The following SOX30 variants were observed in gnomAD, a reference collection of about 807,000 sequenced individuals.
The protein encoded by SOX30 is transcription factor SOX-30.
Under a neutral mutation model 58.6 loss-of-function variants are expected in SOX30, and 17 were observed. That is an observed-to-expected ratio of 0.29 (90% CI 0.20 to 0.44). SOX30 has a LOEUF of 0.44. Ranked by LOEUF, SOX30 falls within the 20% of genes least tolerant of loss-of-function variation. The pLI is 1.00. For synonymous variants in SOX30, 421 were observed against 400.2 expected (o/e 1.05, Z -0.62); for missense variants, 951 against 965.8 (o/e 0.98, Z 0.20).
At chr5:157,640,692 C>T (rs771810026) in intron 3 of SOX30, among the ~76,000 whole-genome samples, 4 of 152,084 alleles carry the variant, frequency 2.6e-5, no homozygotes, top group African/African-American at 7.2e-5. Context: ...TCTAGAATGA[C>T]GATCTAGAAT....
chr5:157,634,225 G>A (rs987300231), intron 4 of SOX30, among the ~76,000 whole-genome samples: 3 of 152,098 alleles, frequency 2.0e-5, no homozygotes, highest in African/African-American at 7.2e-5. Flanking sequence ...ACACTTTTTG[G>A]TTTTTTGAGA....
At chr5:157,631,066 T>G (rs1328941591) in intron 4 of SOX30, among the ~76,000 whole-genome samples, 2 of 73,896 alleles carry the variant, frequency 2.7e-5, no homozygotes, top group African/African-American at 1.4e-4. Flanking sequence ...TATATATATA[T>G]ATACACACAA....
chr5:157,668,147 G>A (rs1360901660), intron 1 of SOX30, among the ~76,000 whole-genome samples: 1 of 152,186 alleles, frequency 6.6e-6, no homozygotes, highest in Non-Finnish European at 1.5e-5. Flanking sequence ...GCTCTGTGAG[G>A]GATGCCCATG....
rs569734251 is a variant in SOX30, at chr5:157,647,221, C to G, written c.1208-405G>C. Among the ~76,000 whole-genome samples the G allele has an allele frequency of 4.7e-4, 72 of 152,130 alleles. 2 individuals carry two copies. The highest frequency in any genetic ancestry group is 1.6e-3 in the African/African-American group (66 of 41,486). ...GGATTACAGGTGCATGCCACCACACCCGGCTAATTTTTTGTATTTTTAGTA... is the reference window on the plus strand; with the variant it reads ...GGATTACAGGTGCATGCCACCACACGCGGCTAATTTTTTGTATTTTTAGTA... On this transcript the variant is annotated intron_variant, in intron 2 of 4. Coordinates refer to ENST00000265007, the MANE Select transcript of SOX30 (RefSeq NM_178424.2).
chr5:157,649,920 T>C (rs1759287382), intron 1 of SOX30, among the ~76,000 whole-genome samples: 1 of 152,060 alleles, frequency 6.6e-6, no homozygotes, highest in African/African-American at 2.4e-5. Flanking sequence ...AGTAATTTTT[T>C]TGAAAGTCAG....
At chr5:157,667,874 T>G in intron 1 of SOX30, 1 of 1,535,174 alleles carries the variant, frequency 6.5e-7, no homozygotes, top group Non-Finnish European at 8.7e-7. Flanking sequence ...AGAAGGGAAC[T>G]TCTGTTTACT....
At chr5:157,627,196 T>C (rs1264795078) in intron 4 of SOX30, among the ~76,000 whole-genome samples, 3 of 152,096 alleles carry the variant, frequency 2.0e-5, no homozygotes, top group Admixed American at 1.3e-4. Flanking sequence ...ACCCCATCTC[T>C]ACTAAAAATA....
intron 2 of SOX30, chr5:157,667,783 CACACACAT>C (rs1166258404): frequency 6.5e-7 from 1 of 1,535,052 alleles, no homozygotes; most frequent in South Asian, 1.2e-5. Context: ...CACACACACA[CACACACAT>C]ACAAACCTTG....
chr5:157,646,927 C>A, intron 2 of SOX30, 111 bp from the exon 3 acceptor site: 2 of 760,380 alleles, frequency 2.6e-6, no homozygotes, highest in South Asian at 1.6e-5. Flanking sequence ...AAATTATTGT[C>A]TAAAGTATCT....
intron 3 of SOX30, among the ~76,000 whole-genome samples, chr5:157,643,345 C>T (rs780799778): frequency 2.0e-5 from 3 of 152,032 alleles, no homozygotes; most frequent in East Asian, 1.9e-4. Context: ...ACTTGAACCC[C>T]GGAGGTGGAG....
At chr5:157,636,939 C>T (rs1305513832) in intron 4 of SOX30, among the ~76,000 whole-genome samples, 1 of 151,958 alleles carries the variant, frequency 6.6e-6, no homozygotes, top group Non-Finnish European at 1.5e-5. Flanking sequence ...ACCAGCCTGA[C>T]CAACATGGAG....
intron 4 of SOX30, among the ~76,000 whole-genome samples, chr5:157,635,598 T>A (rs958307098): frequency 1.4e-4 from 22 of 151,942 alleles, no homozygotes; most frequent in Non-Finnish European, 2.8e-4. Context: ...CACTCCAGCC[T>A]GGGTGACAGA....
chr5:157,670,795 C>A lies in SOX30; in HGVS notation c.-4+535G>T, dbSNP rs940387466. Among the ~76,000 whole-genome samples, 7 of 152,200 alleles carry A rather than the reference C, an allele frequency of 4.6e-5. No homozygotes were observed. In the East Asian group the frequency reaches 1.4e-3, roughly 29 times the overall value. On this transcript the variant is annotated intron_variant, in intron 1 of 5. Transcript: ENST00000519442. ...ATTTTACACAAGAGGGAAGTGAGAC[C>A]CAGTGGGAAAAATGACTTGTTCAGA...
chr5:157,655,679 G>A (rs1173455999), upstream of SOX30, among the ~76,000 whole-genome samples: 2 of 152,086 alleles, frequency 1.3e-5, no homozygotes, highest in African/African-American at 4.8e-5. Context: ...TCGCTGCAGT[G>A]GGTGGATCTT....
intron 2 of SOX30, among the ~76,000 whole-genome samples, chr5:157,665,248 C>T (rs1363993825): frequency 6.6e-6 from 1 of 152,142 alleles, no homozygotes; most frequent in East Asian, 1.9e-4. Flanking sequence ...CACATATATA[C>T]CATGGAATAC....
intron 3 of SOX30, among the ~76,000 whole-genome samples, chr5:157,643,101 GACA>G (rs200189852): frequency 0.017 from 2,595 of 149,876 alleles, 47 homozygotes; most frequent in East Asian, 0.099. Context: ...GAAGAAAACG[GACA>G]ACAACAACAA....
chr5:157,667,433 C>A lies in SOX30; in HGVS notation c.52+365G>T, dbSNP rs142337314. Reference sequence around the variant, plus strand: ...TACTGCTTTGGAGTACTTGGAAAAACCAGTTTAAAAACCTTGAGGCTGGGT... The same window carrying A: ...TACTGCTTTGGAGTACTTGGAAAAAACAGTTTAAAAACCTTGAGGCTGGGT... On this transcript the variant is annotated intron_variant, in intron 2 of 5. Coordinates refer to the SOX30 transcript ENST00000519442. Among the ~76,000 whole-genome samples, 13 of 152,266 alleles carry A rather than the reference C, an allele frequency of 8.5e-5. No homozygotes were observed. The East Asian group carries it at 2.5e-3, about 29-fold the overall frequency.
chr5:157,667,965 CT>C, intron 1 of SOX30: 1 of 1,213,580 alleles, frequency 8.2e-7, no homozygotes, highest in Non-Finnish European at 1.1e-6. Context: ...TCACGCCTAT[CT>C]TACAGGCAAG....
At position 157,652,095 on chromosome 5, in the gene SOX30, C is replaced by G; in HGVS notation, c.-17G>C. ...TCTCTCCATGGGGGAGGGGGACGCCCCGGCCAGGATTGTGAGCTCAGCCGT... is the reference window on the plus strand; with the variant it reads ...TCTCTCCATGGGGGAGGGGGACGCCGCGGCCAGGATTGTGAGCTCAGCCGT... On this transcript the variant is annotated 5_prime_UTR_variant, in exon 1 of 5. Coordinates refer to ENST00000265007, the MANE Select transcript of SOX30 (RefSeq NM_178424.2). 5 of 1,396,490 alleles carry G rather than the reference C, an allele frequency of 3.6e-6. No homozygotes were observed. The highest frequency in any genetic ancestry group is 4.6e-6 in the Non-Finnish European group (5 of 1,082,856). The allele number at this position is 1,396,490 out of a possible 1,614,324, so 86.5% of individuals were successfully genotyped here. A position where few individuals can be genotyped will look rare whatever the true frequency, so the allele number is the denominator to read the frequency against.
Sources: gnomAD v4.1 joint callset for allele counts (sites outside exome capture counted in the v4.1 genomes callset) on GRCh38, gnomAD v4.1.1 for gene constraint, MANE v1.5 for transcripts, NCBI Gene and HGNC (gene_info 2026-07-23, HGNC 2026-07-21) for gene names.